USP6: variants seen among roughly 807,000 people sequenced by gnomAD.
The protein encoded by USP6 is ubiquitin specific peptidase 6.
In USP6, 128 loss-of-function variants were observed where a neutral mutation model predicts 175.7. The ratio of observed to expected loss-of-function variants is 0.73; its 90% CI spans 0.63 to 0.84. USP6 has a LOEUF of 0.84. USP6 is among the 40% of genes least tolerant of loss of function. The pLI, the probability that USP6 is intolerant of heterozygous loss-of-function variation, is 0.00. For synonymous variants in USP6, 562 were observed against 630.6 expected, an observed-to-expected ratio of 0.89 and a Z score of 1.63; for missense variants, 1,498 against 1,760.3, an observed-to-expected ratio of 0.85 and a Z score of 2.67.
intron 3 of USP6, 142 bp downstream of exon 3, chr17:5,120,930 G>T (rs1281254881): frequency 4.4e-6 from 2 of 454,390 alleles, no homozygotes; most frequent in Non-Finnish European, 8.8e-6. Context: ...TCATGATTTC[G>T]ATGTAAAATG....
At chr17:5,134,167 G>A in intron 15 of USP6, 171 bp downstream of exon 15, 1 of 681,200 alleles carries the variant, frequency 1.5e-6, no homozygotes, top group Non-Finnish European at 2.5e-6. Context: ...CTGGTTCCAA[G>A]CCCTGGGCCA....
At chr17:5,169,299 T>C (rs552428253) in intron 35 of USP6, among the ~76,000 whole-genome samples, 13 of 152,250 alleles carry the variant, frequency 8.5e-5, no homozygotes, top group African/African-American at 2.6e-4. Context: ...ACATGGAGAG[T>C]AAAGCACTTC....
chr17:5,154,722 T>TTA (rs11454620), intron 30 of USP6, among the ~76,000 whole-genome samples: 2 of 150,038 alleles, frequency 1.3e-5, no homozygotes, highest in African/African-American at 4.9e-5. Flanking sequence ...TTTTTTTTTT[T>TTA]CCCCCCACTG....
chr17:5,139,824 A>G, intron 22 of USP6, 150 bp downstream of exon 22: 2 of 1,594,356 alleles, frequency 1.3e-6, no homozygotes, highest in Non-Finnish European at 1.7e-6. Context: ...TGCCTCTGCC[A>G]CCTCTACTTG....
At chr17:5,130,504 G>A in intron 10 of USP6, 65 bp downstream of exon 10, 1 of 1,612,168 alleles carries the variant, frequency 6.2e-7, no homozygotes, top group Middle Eastern at 1.7e-4. Flanking sequence ...AGGGTCCTGG[G>A]TTCCCTAGGA....
rs560746854 is a variant in USP6, at chr17:5,132,329, C to T, written c.156-67C>T. ...GACAGAGCCAGTCCTTTCTGGGGGT[C>T]GGCTCCCAGGCTTGGGCGGCTCCAG... is the stretch of plus-strand genomic sequence containing the variant. On this transcript the variant is annotated intron_variant, in intron 11 of 37. Transcript: ENST00000574788. The surrounding 1 kb of genome is among the most constrained non-coding windows in gnomAD (Gnocchi z 4.7). 1.3e-4 allele frequency: 203 copies of T among 1,611,876 alleles called. No homozygotes were observed. Among genetic ancestry groups the T allele is most frequent in the East Asian group, 1.6e-4 (7 of 44,874 alleles).
intron 2 of USP6, among the ~76,000 whole-genome samples, chr17:5,119,505 G>C (rs1276517447): frequency 6.6e-6 from 1 of 152,182 alleles, no homozygotes; most frequent in African/African-American, 2.4e-5. Context: ...AGCAAGCGAG[G>C]CTGGGGCCCA....
chr17:5,168,127 T>C lies in USP6; in HGVS notation c.3228+4T>C, dbSNP rs746822367. ...CTGGAGGCTTCCACCCTTCCTGGTATGTTACGGTCCTGCCTCTGAGAGAGC... is the reference window on the plus strand; with the variant it reads ...CTGGAGGCTTCCACCCTTCCTGGTACGTTACGGTCCTGCCTCTGAGAGAGC... On this transcript the variant is annotated splice_donor_region_variant and intron_variant, in intron 34 of 37. Coordinates refer to ENST00000574788, the MANE Select transcript of USP6 (RefSeq NM_001304284.2). 2.9e-5 allele frequency: 46 copies of C among 1,599,472 alleles called. No individual in the cohort carries two copies. Among genetic ancestry groups the C allele is most frequent in the Admixed American group, 1.0e-4 (6 of 59,728 alleles).
Position 5,158,488 on chromosome 17 carries a change from A to G in USP6, c.2828+2882A>G, listed in dbSNP as rs116348006. 7.7e-3 allele frequency among the ~76,000 whole-genome samples: 1,166 copies of G among 151,750 alleles called. 21 individuals are homozygous for G. Among genetic ancestry groups the G allele is most frequent in the African/African-American group, 0.025 (1,032 of 41,352 alleles). On this transcript the variant is annotated intron_variant, in intron 31 of 37. Coordinates refer to ENST00000574788, the MANE Select transcript of USP6 (RefSeq NM_001304284.2). The stretch of plus-strand genomic sequence containing the variant: ...TGGCTGAGGCATGAGAATCACTTCA[A>G]CCCTGGAGGTGGAAGTTGCAGTGAG...
In USP6 at chr17:5,137,173, A is replaced by G; in HGVS notation, c.812A>G (p.Asn271Ser). 1.2e-6 allele frequency: 2 copies of G among 1,613,136 alleles called. No homozygotes were observed. Among genetic ancestry groups the G allele is most frequent in the South Asian group, 2.2e-5 (2 of 91,068 alleles). The change falls in exon 19 of 38, where the codon AAC becomes AGC. Residue 271 changes from asparagine (N) to serine (S), a missense_variant. Around this residue, in one of 2 missense-constraint regions of USP6, gnomAD observed 1,217 missense variants for 1,500.8 expected, o/e 0.81. Coordinates refer to ENST00000574788, the MANE Select transcript of USP6 (RefSeq NM_001304284.2). ...QCASLGCLLRNLIDGISLGLT... is the reference protein window; with the variant it reads ...QCASLGCLLRSLIDGISLGLT... The stretch of plus-strand genomic sequence containing the variant: ...GCCTCGTTAGGCTGCCTTCTCCGGA[A>G]CCTGATTGACGGGGTAAGGAGGCAT...
At chr17:5,122,779 G>C (rs371373081) in intron 4 of USP6, among the ~76,000 whole-genome samples, 1 of 152,238 alleles carries the variant, frequency 6.6e-6, no homozygotes, top group African/African-American at 2.4e-5. Context: ...TCTCAGGTCC[G>C]GTAGGGCGAG....
intron 29 of USP6, among the ~76,000 whole-genome samples, chr17:5,147,743 T>G: frequency 6.6e-6 from 1 of 152,224 alleles, no homozygotes; most frequent in East Asian, 1.9e-4. Context: ...AGAGTATCAC[T>G]GTCTAATAGA....
Position 5,139,600 on chromosome 17 carries a change from G to A in USP6, c.1424G>A (p.Trp475Ter), listed in dbSNP as rs1376515778. 4.3e-6 allele frequency: 7 copies of A among 1,613,338 alleles called. No homozygotes were observed. Among genetic ancestry groups the A allele is most frequent in the South Asian group, 3.3e-5 (3 of 91,044 alleles). Residue 475 changes from tryptophan (W) to a stop codon, truncating the protein, a stop_gained, in exon 22 of 38, where the codon TGG becomes TAG. Coordinates refer to ENST00000574788, the MANE Select transcript of USP6 (RefSeq NM_001304284.2). LOFTEE classifies it high-confidence loss of function. ...GPWFPHYDFE[W>*]SCWVRAISQE... Reference sequence around the variant, plus strand: ...TGGTTCCCCCATTATGATTTTGAATGGAGCTGCTGGGTCCGTGCCATATCC... The same window carrying A: ...TGGTTCCCCCATTATGATTTTGAATAGAGCTGCTGGGTCCGTGCCATATCC...
chr17:5,123,414 C>T (rs12948113), intron 4 of USP6, among the ~76,000 whole-genome samples: 1 of 151,986 alleles, frequency 6.6e-6, no homozygotes, highest in African/African-American at 2.4e-5. Context: ...GCGGCGGGGC[C>T]TCCGTGAAGG....
At chr17:5,142,662 A>G (rs2073482751) in intron 25 of USP6, among the ~76,000 whole-genome samples, 160 bp downstream of exon 25, 1 of 152,214 alleles carries the variant, frequency 6.6e-6, no homozygotes, top group African/African-American at 2.4e-5. Context: ...TTGTTTAAAT[A>G]TTTGCAAAAT....
At position 5,171,065 on chromosome 17, in the gene USP6, C is replaced by T. The variant is rs561776907; in HGVS notation, c.3954+150C>T. 32 of 1,065,340 alleles carry T rather than the reference C, an allele frequency of 3.0e-5. No individual in the cohort carries two copies. In the South Asian group the frequency reaches 4.4e-4, roughly 15 times the overall value. 66.0% of individuals were successfully genotyped at this position (1,065,340 alleles called of 1,614,324 possible). A position where few individuals can be genotyped will look rare whatever the true frequency, so the allele number is the denominator to read the frequency against. Reference sequence around the variant, plus strand: ...AAGTTAACATTGAAATCTGGGCTCACAGATGTGGTGTGGTGGCTCACACCT... The same window carrying T: ...AAGTTAACATTGAAATCTGGGCTCATAGATGTGGTGTGGTGGCTCACACCT... On this transcript the variant is annotated intron_variant, in intron 36 of 37. Transcript: ENST00000574788.
At position 5,142,650 on chromosome 17, in the gene USP6, G is replaced by A. The variant is rs570080689; in HGVS notation, c.1818+148G>A. 72 of 1,327,166 alleles carry A rather than the reference G, an allele frequency of 5.4e-5. No homozygotes were observed. The South Asian group carries it at 1.1e-3, about 20-fold the overall frequency. 82.2% of individuals were successfully genotyped at this position (1,327,166 alleles called of 1,614,324 possible). The stretch of plus-strand genomic sequence containing the variant: ...TATAAACAAGAGGCCAAATTCTTTT[G>A]CTTGTTTAAATATTTGCAAAATACT... On this transcript the variant is annotated intron_variant, in intron 25 of 37. Transcript: ENST00000574788.
chr17:5,172,550 A>G (rs1172237925), intron 37 of USP6, among the ~76,000 whole-genome samples: 2 of 152,116 alleles, frequency 1.3e-5, no homozygotes, highest in Admixed American at 1.3e-4. Context: ...ATACATACAA[A>G]ATAAATAATT....
Position 5,135,287 on chromosome 17 carries a change from G to T in USP6, c.543+5G>T. ...GCCTATTCGGAGTATAACCCGGTGA[G>T]TATTCCCGGCAGTGAGGTTCCCAGG... On this transcript the variant is annotated splice_donor_5th_base_variant and intron_variant, in intron 16 of 37. Transcript: ENST00000574788. 6.2e-7 allele frequency: 1 copy of T among 1,612,686 alleles called. No individual in the cohort carries two copies. Among genetic ancestry groups the T allele is most frequent in the Non-Finnish European group, 8.5e-7 (1 of 1,178,978 alleles).
Sources: allele counts gnomAD v4.1 joint callset (sites outside exome capture counted in the v4.1 genomes callset), GRCh38; gene constraint gnomAD v4.1.1; regional missense constraint gnomAD v4.1.1; non-coding constraint Gnocchi (gnomAD v3.1); transcripts MANE v1.5; gene names NCBI Gene and HGNC (gene_info 2026-07-23, HGNC 2026-07-21).